Variants in CSMD2 observed in about 807,000 individuals in gnomAD.
CSMD2 encodes CUB and Sushi multiple domains 2.
A neutral mutation model predicts 398.5 loss-of-function variants in CSMD2; 130 were observed. The observed-to-expected ratio is 0.33, with a 90% confidence interval of 0.28 to 0.38. The LOEUF is 0.38. CSMD2 is among the 10% of genes least tolerant of loss of function. The pLI is 1.00. For missense variants in CSMD2, 3,829 were observed against 4,764.9 expected, an observed-to-expected ratio of 0.80 and a Z score of 5.78; for synonymous variants, 1,828 against 1,908.5, an observed-to-expected ratio of 0.96 and a Z score of 1.10.
intron 1 of CSMD2, among the ~76,000 whole-genome samples, chr1:34,160,428 AG>A (rs1641224619): frequency 6.6e-6 from 1 of 152,220 alleles, no homozygotes; most frequent in East Asian, 1.9e-4. Context: ...CATTGGTTCT[AG>A]AACCTAGGGA....
intron 5 of CSMD2, among the ~76,000 whole-genome samples, chr1:33,850,084 C>T (rs1327997026): frequency 6.6e-6 from 1 of 152,112 alleles, no homozygotes; most frequent in Non-Finnish European, 1.5e-5. Flanking sequence ...AGTTGACATC[C>T]CTTCTGCCTG....
intron 10 of CSMD2, among the ~76,000 whole-genome samples, chr1:33,793,486 G>T (rs1654577930): frequency 6.6e-6 from 1 of 152,224 alleles, no homozygotes; most frequent in Non-Finnish European, 1.5e-5. Context: ...TAATGTGACT[G>T]GGCCTTCAGT....
intron 1 of CSMD2, among the ~76,000 whole-genome samples, chr1:34,118,738 G>A (rs10914866): frequency 0.4 from 60,526 of 151,858 alleles, 12,619 homozygotes; most frequent in East Asian, 0.68. Flanking sequence ...AAAGACTTGT[G>A]AACTGAAAAC....
At chr1:33,976,514 G>T (rs1354090144) in intron 3 of CSMD2, among the ~76,000 whole-genome samples, 1 of 152,100 alleles carries the variant, frequency 6.6e-6, no homozygotes, top group Non-Finnish European at 1.5e-5. Context: ...TCTGACCCAG[G>T]GAGGTTCACG....
chr1:34,011,572 TC>T (rs1464461856), intron 3 of CSMD2, among the ~76,000 whole-genome samples: 6 of 152,156 alleles, frequency 3.9e-5, no homozygotes, highest in Non-Finnish European at 8.8e-5. Context: ...ATAAGTGTAT[TC>T]TTTTTTTTAA....
At chr1:33,824,912 T>C (rs926792535) in intron 7 of CSMD2, among the ~76,000 whole-genome samples, 2 of 151,960 alleles carry the variant, frequency 1.3e-5, no homozygotes, top group African/African-American at 4.8e-5. Context: ...AGAAGGAAAG[T>C]GGAAGGTTTC....
intron 2 of CSMD2, among the ~76,000 whole-genome samples, chr1:34,056,963 C>A (rs1458628525): frequency 6.6e-6 from 1 of 152,194 alleles, no homozygotes; most frequent in Non-Finnish European, 1.5e-5. Context: ...CATCCTATTA[C>A]AGGAAGAAGA....
intron 68 of CSMD2, 46 bp downstream of exon 68, chr1:33,521,417 T>G: frequency 9.2e-7 from 1 of 1,082,966 alleles, no homozygotes. Context: ...ACGGTTTCTC[T>G]CCCACCCACC....
chr1:33,854,590 G>A (rs1638940506), intron 5 of CSMD2, among the ~76,000 whole-genome samples: 1 of 152,182 alleles, frequency 6.6e-6, no homozygotes, highest in Non-Finnish European at 1.5e-5. Context: ...GCAGCTGCTG[G>A]TACCTTCCTG....
intron 12 of CSMD2, among the ~76,000 whole-genome samples, chr1:33,774,738 T>C (rs1275793571): frequency 2.0e-5 from 3 of 152,296 alleles, no homozygotes; most frequent in East Asian, 3.9e-4. Flanking sequence ...TCTGAGGCTG[T>C]GATTGGCTTA....
In CSMD2 at chr1:33,814,445, T is replaced by C. The variant is rs1010615221; in HGVS notation, c.1325-3581A>G. On this transcript the variant is annotated intron_variant, in intron 9 of 70. Transcript: ENST00000373381. ...TGCTCAAAGACTTTTTCACATGTTC[T>C]AGACATTCCTTGAACATCTTCCTCT... Among the ~76,000 whole-genome samples the C allele has an allele frequency of 4.6e-5, 7 of 152,374 alleles. No homozygotes were observed. In the South Asian group the frequency reaches 1.4e-3, roughly 32 times the overall value.
chr1:33,825,651 C>T (rs1158552462), intron 7 of CSMD2, 46 bp downstream of exon 7: 6 of 1,559,316 alleles, frequency 3.8e-6, no homozygotes, highest in Non-Finnish European at 5.3e-6. Flanking sequence ...GCACGTGTGA[C>T]CTCAAGCAAG....
chr1:34,101,572 G>C (rs1412906529), intron 1 of CSMD2, among the ~76,000 whole-genome samples: 6 of 152,156 alleles, frequency 3.9e-5, no homozygotes, highest in Admixed American at 3.9e-4. Flanking sequence ...CTTTTTGCCT[G>C]CTTATTAGGT....
chr1:33,992,082 G>A (rs1038969421), intron 3 of CSMD2, among the ~76,000 whole-genome samples: 3 of 152,220 alleles, frequency 2.0e-5, no homozygotes, highest in African/African-American at 4.8e-5. Flanking sequence ...AAAATCTAAT[G>A]TTGGGAGAGG....
intron 46 of CSMD2, 129 bp downstream of exon 46, chr1:33,586,375 T>C: frequency 1.6e-6 from 1 of 621,448 alleles, no homozygotes. Flanking sequence ...AGACAACATT[T>C]ACCAAGTGAC....
rs569382856 is a variant in CSMD2 at position 33,546,095 on chromosome 1, C to T, written c.9042G>A (p.Ser3014=). 35 of 1,614,116 alleles carry T rather than the reference C, an allele frequency of 2.2e-5. No individual in the cohort carries two copies. Among genetic ancestry groups the T allele is most frequent in the Middle Eastern group, 1.7e-4 (1 of 6,058 alleles). The change falls in exon 57 of 71, where the codon TCG becomes TCA. Residue 3014 remains serine, a synonymous_variant. Coordinates refer to ENST00000373381, the MANE Select transcript of CSMD2 (RefSeq NM_001281956.2). ...SCEAGHVLRG[S]SERTCQANGS... Reference sequence around the variant, plus strand: ...CATTGGCTTGACAGGTGCGCTCTGACGATCCCCGGAGCACGTGGCCAGCTT... The same window carrying T: ...CATTGGCTTGACAGGTGCGCTCTGATGATCCCCGGAGCACGTGGCCAGCTT...
chr1:34,142,846 G>T (rs1639431388), intron 1 of CSMD2, among the ~76,000 whole-genome samples: 1 of 152,166 alleles, frequency 6.6e-6, no homozygotes, highest in Non-Finnish European at 1.5e-5. Context: ...GAGGCTCATG[G>T]TAGGGACTCC....
chr1:33,747,768 C>A (rs1388479374), intron 13 of CSMD2, among the ~76,000 whole-genome samples: 1 of 152,142 alleles, frequency 6.6e-6, no homozygotes, highest in African/African-American at 2.4e-5. Context: ...ATAGCTCAGG[C>A]TTTACATTAG....
intron 12 of CSMD2, among the ~76,000 whole-genome samples, chr1:33,774,835 C>T (rs1243969668): frequency 6.6e-6 from 1 of 152,194 alleles, no homozygotes; most frequent in African/African-American, 2.4e-5. Flanking sequence ...CCCACATCCA[C>T]CCACCCATCA....
Sources: allele counts gnomAD v4.1 joint callset (sites outside exome capture counted in the v4.1 genomes callset), GRCh38; gene constraint gnomAD v4.1.1; transcripts MANE v1.5; gene names NCBI Gene and HGNC (gene_info 2026-07-23, HGNC 2026-07-21).